The following ATP6V0A1 variants were observed in gnomAD, a reference collection of about 807,000 sequenced individuals.
ATP6V0A1 encodes the protein V-type proton ATPase 116 kDa subunit a 1.
A neutral mutation model predicts 105.4 loss-of-function variants in ATP6V0A1; 43 were observed. The observed-to-expected ratio is 0.41, with a 90% confidence interval of 0.32 to 0.53. The LOEUF (loss-of-function observed/expected upper bound fraction) is 0.53. Ranked by LOEUF, ATP6V0A1 falls within the 20% of genes least tolerant of loss-of-function variation. The probability of loss-of-function intolerance (pLI) is 0.30; values close to 1 mark genes in which losing one functional copy is unlikely to be tolerated. For missense variants in ATP6V0A1, 676 were observed against 1,051.1 expected, an observed-to-expected ratio of 0.64 and a Z score of 4.93; for synonymous variants, 362 against 372.8, an observed-to-expected ratio of 0.97 and a Z score of 0.33.
intron 21 of ATP6V0A1, 70 bp downstream of exon 21, chr17:42,514,530 T>A (rs2092515298): frequency 3.5e-6 from 5 of 1,424,182 alleles, no homozygotes; most frequent in Non-Finnish European, 4.7e-6. Context: ...GGGCAGCTTT[T>A]CTCCCACACA....
intron 9 of ATP6V0A1, among the ~76,000 whole-genome samples, chr17:42,484,613 G>T (rs1401086893): frequency 6.6e-6 from 1 of 152,114 alleles, no homozygotes; most frequent in Non-Finnish European, 1.5e-5. Context: ...AGTAAGTGTG[G>T]TTTATGCACA....
At position 42,500,826 on chromosome 17, in the gene ATP6V0A1, A is replaced by G. The variant is rs767349131; in HGVS notation, c.1799A>G (p.His600Arg). 2.5e-5 allele frequency: 40 copies of G among 1,614,006 alleles called. No individual in the cohort carries two copies. The highest frequency in any genetic ancestry group is 1.6e-4 in the Middle Eastern group (1 of 6,084). ...TACAAGTGGACGGCCTATGATGCTC[A>G]TACCTCTGAGAATGCACCAAGCCTT... The part of the protein sequence containing the change: ...IFYKWTAYDA[H>R]TSENAPSLLI... The change falls in exon 16 of 22, where the codon CAT becomes CGT. Residue 600 changes from histidine to arginine, a missense_variant. Physicochemically the swap from His to Arg is conservative, Grantham distance 29. Coordinates refer to ENST00000343619, the MANE Select transcript of ATP6V0A1 (RefSeq NM_001130021.3).
intron 18 of ATP6V0A1, 149 bp from the exon 19 acceptor site, chr17:42,508,422 TG>T (rs1353552538): frequency 2.6e-5 from 21 of 818,452 alleles, no homozygotes; most frequent in Middle Eastern, 2.3e-4. Flanking sequence ...GATTTCGCTT[TG>T]TGTATATGCT....
In ATP6V0A1 at chr17:42,460,973, A is replaced by G. The variant is rs753863830; in HGVS notation, c.79A>G (p.Ser27Gly). Residue 27 changes from serine (S) to glycine (G), a missense_variant, in exon 2 of 22, where the codon AGT becomes GGT. Transcript: ENST00000343619. ...GTCAGAGGCTGCTTATTGTTGTGTC[A>G]GTGAATTAGGAGAACTTGGAAAGGT... Reference protein sequence around the residue: ...LQSEAAYCCVSELGELGKVQF... With the variant: ...LQSEAAYCCVGELGELGKVQF... 6.2e-6 allele frequency: 10 copies of G among 1,613,992 alleles called. No individual in the cohort carries two copies. The highest frequency in any genetic ancestry group is 1.3e-5 in the African/African-American group (1 of 74,918).
chr17:42,514,108 G>A, intron 20 of ATP6V0A1, 130 bp downstream of exon 20: 1 of 1,291,156 alleles, frequency 7.7e-7, no homozygotes, highest in Non-Finnish European at 1.1e-6. Context: ...AACCCAAGGA[G>A]AATGAGTACA....
chr17:42,472,947 C>T (rs1026496981), intron 5 of ATP6V0A1, among the ~76,000 whole-genome samples: 12 of 152,204 alleles, frequency 7.9e-5, no homozygotes, highest in African/African-American at 2.2e-4. Flanking sequence ...CTAGGTGATC[C>T]GGAGGCATGC....
At chr17:42,493,296 C>T (rs1273671533) in intron 11 of ATP6V0A1, among the ~76,000 whole-genome samples, 1 of 152,066 alleles carries the variant, frequency 6.6e-6, no homozygotes, top group Non-Finnish European at 1.5e-5. Context: ...TCAGTTGGAG[C>T]CCTATGGAAG....
At chr17:42,501,147 G>T in intron 16 of ATP6V0A1, 50 bp from the exon 17 acceptor site, 1 of 1,477,786 alleles carries the variant, frequency 6.8e-7, no homozygotes. Flanking sequence ...CTGCGTATGT[G>T]ATCGGTAGAC....
At chr17:42,490,302 G>C (rs2090505344) in intron 10 of ATP6V0A1, among the ~76,000 whole-genome samples, 185 bp from the exon 11 acceptor site, 1 of 152,098 alleles carries the variant, frequency 6.6e-6, no homozygotes, top group South Asian at 2.1e-4. Flanking sequence ...TTTCCCAAAA[G>C]CTGGGAAAGA....
intron 21 of ATP6V0A1, 104 bp from the exon 22 acceptor site, chr17:42,520,923 C>T (rs959641436): frequency 4.6e-5 from 46 of 998,204 alleles, no homozygotes; most frequent in South Asian, 6.4e-5. Context: ...AAGGGAGGCT[C>T]GGGGTGAGGT....
intron 5 of ATP6V0A1, among the ~76,000 whole-genome samples, chr17:42,472,698 TG>T (rs1399314220): frequency 6.6e-6 from 1 of 152,076 alleles, no homozygotes; most frequent in East Asian, 1.9e-4. Context: ...CACTCTAGCC[TG>T]GGCGAAAGAG....
chr17:42,459,812 C>G (rs1357247677), intron 1 of ATP6V0A1, among the ~76,000 whole-genome samples: 2 of 152,166 alleles, frequency 1.3e-5, no homozygotes, highest in African/African-American at 4.8e-5. Flanking sequence ...AAGGTTTGTT[C>G]GTTCAGATTT....
At chr17:42,487,479 G>A in intron 10 of ATP6V0A1, 112 bp downstream of exon 10, 3 of 1,061,434 alleles carry the variant, frequency 2.8e-6, no homozygotes, top group Non-Finnish European at 4.2e-6. Flanking sequence ...TGTAATCCCA[G>A]AACTTTGGGA....
At chr17:42,491,860 A>T (rs549957202) in intron 11 of ATP6V0A1, among the ~76,000 whole-genome samples, 107 of 149,508 alleles carry the variant, frequency 7.2e-4, no homozygotes, top group African/African-American at 2.4e-3. Context: ...CTCATGATCC[A>T]CCCGCCTTGG....
At chr17:42,491,643 C>T (rs1417278032) in intron 11 of ATP6V0A1, among the ~76,000 whole-genome samples, 11 of 152,150 alleles carry the variant, frequency 7.2e-5, no homozygotes. Flanking sequence ...GCCATCACGC[C>T]CGGCTAATTT....
At chr17:42,486,469 C>T (rs532674610) in intron 9 of ATP6V0A1, among the ~76,000 whole-genome samples, 1 of 151,838 alleles carries the variant, frequency 6.6e-6, no homozygotes, top group South Asian at 2.1e-4. Flanking sequence ...GTTCCTGTAC[C>T]TTCCTCCCAC....
rs576598003 is a variant in ATP6V0A1, at chr17:42,501,091, T to C, written c.1897-106T>C. On this transcript the variant is annotated intron_variant, in intron 16 of 21. Transcript: ENST00000343619. ...GAAATTGGATAGTGTTATTCATAGA[T>C]TAGTAAGAAAGTACTGTTGGGGGAA... 94 of 1,158,776 alleles carry C rather than the reference T, an allele frequency of 8.1e-5. No individual in the cohort carries two copies. In the African/African-American group the frequency reaches 1.3e-3, roughly 16 times the overall value. The allele number at this position is 1,158,776 out of a possible 1,614,324, so 71.8% of individuals were successfully genotyped here. A position where few individuals can be genotyped will look rare whatever the true frequency, so the allele number is the denominator to read the frequency against.
chr17:42,465,023 C>T (rs956570100), intron 2 of ATP6V0A1, among the ~76,000 whole-genome samples: 9 of 151,414 alleles, frequency 5.9e-5, no homozygotes, highest in Admixed American at 1.3e-4. Context: ...GACAGAGTCT[C>T]GCTCTGTTGC....
intron 13 of ATP6V0A1, among the ~76,000 whole-genome samples, 184 bp downstream of exon 13, chr17:42,495,372 A>ATT (rs371402666): frequency 1.4e-5 from 2 of 141,826 alleles, no homozygotes; most frequent in Admixed American, 7.1e-5. Context: ...ATTAGAAATG[A>ATT]TTTTTTTTTT....
Sources: allele counts gnomAD v4.1 joint callset (sites outside exome capture counted in the v4.1 genomes callset), GRCh38; gene constraint gnomAD v4.1.1; transcripts MANE v1.5; gene names NCBI Gene and HGNC (gene_info 2026-07-23, HGNC 2026-07-21).